The following MYOZ2 variants were observed in gnomAD, a reference collection of about 807,000 sequenced individuals.
MYOZ2 encodes the protein myozenin-2.
Under a neutral mutation model 25.4 loss-of-function variants are expected in MYOZ2, and 19 were observed. The observed-to-expected ratio is 0.75, with a 90% CI of 0.52 to 1.10. The LOEUF (loss-of-function observed/expected upper bound fraction) is 1.10, where lower values mean the gene tolerates loss of function less well. Among genes scored for constraint, MYOZ2 ranks in the 50% least tolerant of loss-of-function variants. The pLI is 0.00. For missense variants in MYOZ2, 270 were observed against 317.9 expected (o/e 0.85, Z 1.15); for synonymous variants, 92 against 106.9 (o/e 0.86, Z 0.86).
intron 3 of MYOZ2, among the ~76,000 whole-genome samples, chr4:119,156,024 T>C (rs2149222866): frequency 6.6e-6 from 1 of 152,174 alleles, no homozygotes; most frequent in East Asian, 1.9e-4. Flanking sequence ...ATGGGCAAAA[T>C]GAAATTCCCT....
rs1230063247 is a variant in MYOZ2, at chr4:119,186,734, G to C, written c.*534G>C. 6.5e-6 allele frequency: 1 copy of C among 154,212 alleles called. No homozygotes were observed. Among genetic ancestry groups the C allele is most frequent in the Non-Finnish European group, 1.4e-5 (1 of 69,608 alleles). The allele number at this position is 154,212 out of a possible 1,614,324, so 9.6% of individuals were successfully genotyped here. ...CATTAGTCACTCTTAGAATTCTAAA[G>C]TGCTTTGCACTTTTCAATATGTTTT... On this transcript the variant is annotated 3_prime_UTR_variant, in exon 6 of 6. Transcript: ENST00000307128.
chr4:119,139,877 T>C (rs930770899), intron 2 of MYOZ2, among the ~76,000 whole-genome samples: 10 of 152,078 alleles, frequency 6.6e-5, no homozygotes, highest in African/African-American at 2.4e-4. Flanking sequence ...GTTTTTTGTT[T>C]GTTTGTTTTT....
chr4:119,177,464 AG>A, intron 5 of MYOZ2, among the ~76,000 whole-genome samples: 1 of 152,176 alleles, frequency 6.6e-6, no homozygotes, highest in African/African-American at 2.4e-5. Flanking sequence ...CAAATTTTCT[AG>A]GACAATTTGA....
chr4:119,155,458 T>A (rs1489824018), intron 3 of MYOZ2, among the ~76,000 whole-genome samples: 1 of 152,122 alleles, frequency 6.6e-6, no homozygotes, highest in Non-Finnish European at 1.5e-5. Context: ...TATGGAGACA[T>A]TTCCGGTAGA....
At chr4:119,164,125 GA>G (rs1741766942) in intron 4 of MYOZ2, 85 bp from the exon 5 acceptor site, 2 of 1,313,612 alleles carry the variant, frequency 1.5e-6, no homozygotes. Flanking sequence ...ATCCCAGCAT[GA>G]AAAATCAAAC....
chr4:119,180,574 A>T (rs1742166830), intron 5 of MYOZ2, among the ~76,000 whole-genome samples: 1 of 152,032 alleles, frequency 6.6e-6, no homozygotes, highest in Non-Finnish European at 1.5e-5. Flanking sequence ...TATTTTTTTG[A>T]GATGGAATTT....
At chr4:119,166,344 C>A (rs1741823827) in intron 5 of MYOZ2, among the ~76,000 whole-genome samples, 1 of 151,828 alleles carries the variant, frequency 6.6e-6, no homozygotes, top group African/African-American at 2.4e-5. Context: ...TTTGAGAAGC[C>A]AAGGTGAGCT....
At chr4:119,165,315 C>T (rs2149225573) in intron 5 of MYOZ2, among the ~76,000 whole-genome samples, 1 of 151,248 alleles carries the variant, frequency 6.6e-6, no homozygotes, top group African/African-American at 2.4e-5. Context: ...TTCAAGACTA[C>T]CCTGGGCAAC....
chr4:119,176,033 G>A (rs181653978), intron 5 of MYOZ2, among the ~76,000 whole-genome samples: 223 of 152,228 alleles, frequency 1.5e-3, no homozygotes, highest in African/African-American at 5.2e-3. Flanking sequence ...CTGCACTCAG[G>A]ACATTCTTCT....
chr4:119,157,907 G>T, intron 3 of MYOZ2, 115 bp from the exon 4 acceptor site: 1 of 1,305,226 alleles, frequency 7.7e-7, no homozygotes, highest in South Asian at 1.3e-5. Context: ...AGGAAGTAAT[G>T]AAGCGACATT....
intron 4 of MYOZ2, among the ~76,000 whole-genome samples, chr4:119,162,415 GT>G (rs1342957400): frequency 6.6e-6 from 1 of 152,208 alleles, no homozygotes; most frequent in Admixed American, 6.5e-5. Context: ...GGGCAGCAGT[GT>G]GGAGGCTGGC....
chr4:119,164,314 G>C lies in MYOZ2; in HGVS notation c.480G>C (p.Pro160=), dbSNP rs779726933. 2 of 1,614,044 alleles carry C rather than the reference G, an allele frequency of 1.2e-6. No individual in the cohort carries two copies. Among genetic ancestry groups the C allele is most frequent in the Non-Finnish European group, 1.7e-6 (2 of 1,179,960 alleles). Residue 160 remains proline (P), a synonymous_variant, in exon 5 of 6, where the codon CCG becomes CCC. Coordinates refer to ENST00000307128, the MANE Select transcript of MYOZ2 (RefSeq NM_016599.5). The part of the protein sequence containing the change: ...SPWEQAISND[P]ELLEALYPKL... Reference sequence around the variant, plus strand: ...GGGAACAAGCCATTAGCAATGATCCGGAGCTTTTAGAGGCTTTATATCCTA... The same window carrying C: ...GGGAACAAGCCATTAGCAATGATCCCGAGCTTTTAGAGGCTTTATATCCTA...
intron 2 of MYOZ2, among the ~76,000 whole-genome samples, chr4:119,140,625 AT>A (rs940823111): frequency 5.3e-5 from 8 of 152,318 alleles, no homozygotes; most frequent in African/African-American, 1.9e-4. Flanking sequence ...ACTAGGCTAA[AT>A]TGTATTTTAC....
intron 3 of MYOZ2, among the ~76,000 whole-genome samples, chr4:119,153,487 T>C (rs1741501752): frequency 6.6e-6 from 1 of 152,146 alleles, no homozygotes; most frequent in Non-Finnish European, 1.5e-5. Context: ...ACTTATAATC[T>C]AGTTCTTGAA....
chr4:119,183,814 CTT>C (rs34741874), intron 5 of MYOZ2, among the ~76,000 whole-genome samples: 2 of 138,690 alleles, frequency 1.4e-5, no homozygotes, highest in African/African-American at 2.7e-5. Context: ...CCACTGTTGT[CTT>C]TTTTTTTTTT....
chr4:119,176,821 G>T (rs182226353), intron 5 of MYOZ2, among the ~76,000 whole-genome samples: 1 of 152,142 alleles, frequency 6.6e-6, no homozygotes, highest in South Asian at 2.1e-4. Context: ...TATCAGGCAC[G>T]GTTTTAAGTG....
chr4:119,168,964 G>T (rs1201231786), intron 5 of MYOZ2, among the ~76,000 whole-genome samples: 2 of 152,184 alleles, frequency 1.3e-5, no homozygotes, highest in African/African-American at 4.8e-5. Context: ...AATTTTTCAT[G>T]AAAGGAAGAA....
chr4:119,171,717 T>G (rs1408953935), intron 5 of MYOZ2, among the ~76,000 whole-genome samples: 1 of 149,176 alleles, frequency 6.7e-6, no homozygotes, highest in African/African-American at 2.4e-5. Context: ...TTTAATAAAA[T>G]ATTTTATTTT....
At chr4:119,170,283 G>GTT (rs35293972) in intron 5 of MYOZ2, among the ~76,000 whole-genome samples, 22 of 143,234 alleles carry the variant, frequency 1.5e-4, no homozygotes, top group South Asian at 6.6e-4. Context: ...AGTATTTGTT[G>GTT]TTTTTTTTTT....
Sources: gnomAD v4.1 joint callset for allele counts (sites outside exome capture counted in the v4.1 genomes callset) on GRCh38, gnomAD v4.1.1 for gene constraint, MANE v1.5 for transcripts, NCBI Gene and HGNC (gene_info 2026-07-23, HGNC 2026-07-21) for gene names.